COL4A2: variants seen among roughly 807,000 people sequenced by gnomAD.
COL4A2 encodes the protein collagen type IV alpha 2 chain, also known as collagen alpha-2(IV) chain.
In COL4A2, 99 loss-of-function variants were observed where a neutral mutation model predicts 200.2. The observed-to-expected ratio is 0.49, with a 90% CI of 0.42 to 0.58. The LOEUF is 0.58. Among genes scored for constraint, COL4A2 ranks in the 20% least tolerant of loss-of-function variants. The pLI is 0.00. For missense variants in COL4A2, 1,950 were observed against 2,314.1 expected (o/e 0.84, Z 3.23); for synonymous variants, 897 against 900.6 (o/e 1.00, Z 0.07).
intron 4 of COL4A2, among the ~76,000 whole-genome samples, chr13:110,376,314 G>A (rs542575532): frequency 3.9e-5 from 6 of 152,270 alleles, no homozygotes; most frequent in South Asian, 2.1e-4. Context: ...AACTGTGAGC[G>A]TCAGAAGGTC....
At chr13:110,334,226 CCTT>C (rs1199452926) in intron 3 of COL4A2, among the ~76,000 whole-genome samples, 1 of 152,216 alleles carries the variant, frequency 6.6e-6, no homozygotes, top group African/African-American at 2.4e-5. Context: ...GTAAAATCGG[CCTT>C]CTTGACATTC....
At chr13:110,348,579 G>T (rs1876815787) in intron 3 of COL4A2, among the ~76,000 whole-genome samples, 1 of 152,004 alleles carries the variant, frequency 6.6e-6, no homozygotes, top group Non-Finnish European at 1.5e-5. Flanking sequence ...TTCTCTTTTG[G>T]CCTCTTTTTT....
Position 110,345,505 on chromosome 13 carries a change from G to C in COL4A2, c.100-11967G>C, listed in dbSNP as rs144504896. Reference sequence around the variant, plus strand: ...GGCTTCACACCCTCACCTTCCCTATGGGTACAGTCGAGGCCTCCTCAAACA... The same window carrying C: ...GGCTTCACACCCTCACCTTCCCTATCGGTACAGTCGAGGCCTCCTCAAACA... On this transcript the variant is annotated intron_variant, in intron 3 of 47. Transcript: ENST00000360467. 1.3e-3 allele frequency among the ~76,000 whole-genome samples: 203 copies of C among 152,172 alleles called. 2 individuals are homozygous for C. The highest frequency in any genetic ancestry group is 4.8e-3 in the African/African-American group (199 of 41,516).
At chr13:110,474,963 C>T (rs575601160) in intron 29 of COL4A2, among the ~76,000 whole-genome samples, 2,014 of 139,032 alleles carry the variant, frequency 0.014, 56 homozygotes, top group Middle Eastern at 0.027. Context: ...ATCACACACA[C>T]GTACATACCC....
At chr13:110,462,065 G>C (rs1461684785) in intron 22 of COL4A2, 49 bp from the exon 23 acceptor site, 1 of 1,607,848 alleles carries the variant, frequency 6.2e-7, no homozygotes, top group East Asian at 2.2e-5. Context: ...CTTCTCAGAT[G>C]CCCTCACAGT....
intron 47 of COL4A2, among the ~76,000 whole-genome samples, chr13:110,509,270 T>TATACACAC (rs1435137108): frequency 3.2e-4 from 37 of 115,576 alleles, no homozygotes; most frequent in African/African-American, 1.1e-3. Flanking sequence ...TATATATATA[T>TATACACAC]ACACACACAC....
intron 28 of COL4A2, among the ~76,000 whole-genome samples, chr13:110,470,455 G>A (rs1015709676): frequency 6.6e-6 from 1 of 152,130 alleles, no homozygotes; most frequent in Admixed American, 6.5e-5. Flanking sequence ...GAGCCACACA[G>A]TTGACTTCCT....
intron 4 of COL4A2, among the ~76,000 whole-genome samples, chr13:110,392,303 G>C (rs867916974): frequency 2.0e-5 from 3 of 152,206 alleles, no homozygotes; most frequent in South Asian, 2.1e-4. Flanking sequence ...AGCAATTTAA[G>C]TAAACTCAAA....
At chr13:110,485,878 C>T (rs1485513511) in intron 34 of COL4A2, 42 bp downstream of exon 34, 4 of 1,602,830 alleles carry the variant, frequency 2.5e-6, no homozygotes, top group East Asian at 2.2e-5. Flanking sequence ...GTGAGCTCCT[C>T]TCCCCTTTGC....
At chr13:110,415,498 A>G (rs532668675) in intron 4 of COL4A2, among the ~76,000 whole-genome samples, 11 of 152,270 alleles carry the variant, frequency 7.2e-5, no homozygotes, top group African/African-American at 2.6e-4. Flanking sequence ...AGCCAGTTCA[A>G]ACCCCCTCCC....
intron 4 of COL4A2, among the ~76,000 whole-genome samples, chr13:110,411,648 C>T (rs566690857): frequency 1.3e-5 from 2 of 152,088 alleles, no homozygotes; most frequent in Non-Finnish European, 1.5e-5. Context: ...TGGTTTTGTA[C>T]GGATTTCCAT....
chr13:110,316,635 C>T (rs1410473269), intron 3 of COL4A2, among the ~76,000 whole-genome samples: 1 of 152,156 alleles, frequency 6.6e-6, no homozygotes, highest in African/African-American at 2.4e-5. Context: ...AAACACCCTG[C>T]GAAGAAACAT....
chr13:110,510,580 C>T (rs1407049914), intron 47 of COL4A2, among the ~76,000 whole-genome samples: 1 of 152,054 alleles, frequency 6.6e-6, no homozygotes, highest in Non-Finnish European at 1.5e-5. Flanking sequence ...TGCACTTATG[C>T]ACGTGTGTGC....
At chr13:110,477,369 G>T in intron 29 of COL4A2, among the ~76,000 whole-genome samples, 1 of 152,204 alleles carries the variant, frequency 6.6e-6, no homozygotes, top group East Asian at 1.9e-4. Flanking sequence ...CTCAGTGCTG[G>T]GGAAACACTG....
chr13:110,442,378 G>A (rs1275637915), intron 16 of COL4A2, among the ~76,000 whole-genome samples: 5 of 152,210 alleles, frequency 3.3e-5, no homozygotes, highest in African/African-American at 9.7e-5. Context: ...TGACGCAGCC[G>A]CCGTGCTTGT....
chr13:110,360,312 C>T (rs1877461348), intron 4 of COL4A2, among the ~76,000 whole-genome samples: 1 of 152,224 alleles, frequency 6.6e-6, no homozygotes, highest in Non-Finnish European at 1.5e-5. Context: ...CTGTTCTTTT[C>T]ACTTTCTATG....
At chr13:110,471,223 C>T (rs777240753) in intron 28 of COL4A2, among the ~76,000 whole-genome samples, 19 of 152,290 alleles carry the variant, frequency 1.2e-4, no homozygotes, top group East Asian at 1.9e-4. Context: ...TGTGCGTGAA[C>T]GCCACACGGG....
In COL4A2 at chr13:110,360,708, G is replaced by A. The variant is rs1030085979; in HGVS notation, c.180+3156G>A. On this transcript the variant is annotated intron_variant, in intron 4 of 47. Coordinates refer to ENST00000360467, the MANE Select transcript of COL4A2 (RefSeq NM_001846.4). ...TTGGCTGTCCTCTAGTTATCCAGAC[G>A]GGTTATCAACACTGATCCAATTAAG... Among the ~76,000 whole-genome samples, 3 of 152,286 alleles carry A rather than the reference G, an allele frequency of 2.0e-5. 1 individual carries two copies. The highest frequency in any genetic ancestry group is 4.2e-4 in the South Asian group (2 of 4,818).
chr13:110,490,510 G>T (rs900888573), intron 36 of COL4A2, among the ~76,000 whole-genome samples: 2 of 152,200 alleles, frequency 1.3e-5, no homozygotes, highest in African/African-American at 4.8e-5. Context: ...CTCTGGAATG[G>T]AAAGACGTGT....
Sources: gnomAD v4.1 joint callset for allele counts (sites outside exome capture counted in the v4.1 genomes callset) on GRCh38, gnomAD v4.1.1 for gene constraint, MANE v1.5 for transcripts, NCBI Gene and HGNC (gene_info 2026-07-23, HGNC 2026-07-21) for gene names.